Variants in CAMK2D observed in about 807,000 individuals in gnomAD.
The protein encoded by CAMK2D is calcium/calmodulin-dependent protein kinase type II subunit delta.
Under a neutral mutation model 84.0 loss-of-function variants are expected in CAMK2D, and 37 were observed. The observed-to-expected ratio is 0.44, with a 90% CI of 0.34 to 0.58. CAMK2D has a LOEUF of 0.58. CAMK2D is among the 20% of genes least tolerant of loss of function. The probability of loss-of-function intolerance (pLI) is 0.02; values close to 1 mark genes in which losing one functional copy is unlikely to be tolerated. For missense variants in CAMK2D, 448 were observed against 652.5 expected (o/e 0.69, Z 3.41); for synonymous variants, 202 against 212.5 (o/e 0.95, Z 0.43).
At chr4:113,605,372 T>C (rs1167507892) in intron 4 of CAMK2D, among the ~76,000 whole-genome samples, 2 of 152,222 alleles carry the variant, frequency 1.3e-5, no homozygotes. Context: ...TAAATATTAA[T>C]ACAAATTATA....
At position 113,453,970 on chromosome 4, in the gene CAMK2D, G is replaced by C. The variant is rs1042232201; in HGVS notation, c.*575C>G. On this transcript the variant is annotated 3_prime_UTR_variant, in exon 21 of 21. Transcript: ENST00000511664. The stretch of plus-strand genomic sequence containing the variant: ...GATTCTTGCTTCTACTTTCATAAGT[G>C]ATTTTGCCCACATATCATCCCACTT... The C allele has an allele frequency of 6.6e-5, 10 of 151,900 alleles. No homozygotes were observed. The highest frequency in any genetic ancestry group is 2.4e-4 in the African/African-American group (10 of 41,188). The allele number at this position is 151,900 out of a possible 1,614,324, so 9.4% of individuals were successfully genotyped here. A position where few individuals can be genotyped will look rare whatever the true frequency, so the allele number is the denominator to read the frequency against.
chr4:113,533,073 A>C (rs937036912), intron 7 of CAMK2D, among the ~76,000 whole-genome samples: 7 of 152,126 alleles, frequency 4.6e-5, no homozygotes, highest in African/African-American at 1.7e-4. Flanking sequence ...GAAGTACGAA[A>C]TGTTAACAAT....
chr4:113,664,410 G>T (rs2099249567), intron 2 of CAMK2D, among the ~76,000 whole-genome samples: 1 of 152,162 alleles, frequency 6.6e-6, no homozygotes, highest in Non-Finnish European at 1.5e-5. Flanking sequence ...TGCAATCAAG[G>T]TGTCAGCCAC....
At chr4:113,605,457 A>G (rs2098972958) in intron 4 of CAMK2D, among the ~76,000 whole-genome samples, 1 of 152,216 alleles carries the variant, frequency 6.6e-6, no homozygotes, top group Non-Finnish European at 1.5e-5. Flanking sequence ...GACAGAAAAA[A>G]GTGTTTCCTC....
At chr4:113,489,994 T>C (rs2097811735) in intron 16 of CAMK2D, among the ~76,000 whole-genome samples, 1 of 151,936 alleles carries the variant, frequency 6.6e-6, no homozygotes, top group African/African-American at 2.4e-5. Context: ...GGGTTGTTTG[T>C]TTTTTTCTTG....
intron 4 of CAMK2D, among the ~76,000 whole-genome samples, chr4:113,576,528 C>T (rs750155683): frequency 2.1e-4 from 32 of 151,144 alleles, no homozygotes; most frequent in Non-Finnish European, 3.5e-4. Flanking sequence ...TGCATGTGCC[C>T]ACACACAAGT....
chr4:113,718,597 C>T (rs554713372), intron 2 of CAMK2D, among the ~76,000 whole-genome samples: 317 of 152,278 alleles, frequency 2.1e-3, no homozygotes, highest in Middle Eastern at 3.4e-3. Flanking sequence ...GTGGCTAGTT[C>T]GTTTGTTAGT....
intron 4 of CAMK2D, among the ~76,000 whole-genome samples, chr4:113,560,425 G>T (rs536431348): frequency 6.6e-5 from 10 of 152,196 alleles, no homozygotes; most frequent in African/African-American, 2.4e-4. Flanking sequence ...GTCTCGTGGA[G>T]AAAATAGAAA....
At chr4:113,718,503 A>G (rs2099520408) in intron 2 of CAMK2D, among the ~76,000 whole-genome samples, 1 of 152,200 alleles carries the variant, frequency 6.6e-6, no homozygotes, top group South Asian at 2.1e-4. Context: ...TACAATAGTG[A>G]TGTTATCACC....
chr4:113,738,773 G>A (rs1305236101), intron 2 of CAMK2D, among the ~76,000 whole-genome samples: 1 of 151,918 alleles, frequency 6.6e-6, no homozygotes, highest in Non-Finnish European at 1.5e-5. Flanking sequence ...AAATTTTGGG[G>A]GAAGAGTCAA....
intron 4 of CAMK2D, among the ~76,000 whole-genome samples, chr4:113,552,602 T>C (rs6857643): frequency 0.01 from 1,595 of 152,226 alleles, 28 homozygotes; most frequent in African/African-American, 0.036. Context: ...TGTAAATAAT[T>C]AAGTTAATTG....
At chr4:113,553,917 T>C (rs570878107) in intron 4 of CAMK2D, among the ~76,000 whole-genome samples, 1 of 152,288 alleles carries the variant, frequency 6.6e-6, no homozygotes, top group East Asian at 1.9e-4. Context: ...TTTTGTGAGA[T>C]TTCTTCCTTT....
At chr4:113,754,425 G>A (rs911992409) in intron 2 of CAMK2D, 34 of 951,076 alleles carry the variant, frequency 3.6e-5, no homozygotes, top group Admixed American at 1.2e-4. Context: ...CTAGTAATTC[G>A]TGATTATTAC....
intron 2 of CAMK2D, among the ~76,000 whole-genome samples, chr4:113,711,152 T>TTA (rs1384151341): frequency 1.3e-5 from 2 of 148,830 alleles, no homozygotes; most frequent in East Asian, 3.9e-4. Flanking sequence ...AAAAATATAA[T>TTA]TATATATTAG....
chr4:113,713,889 G>T (rs1435382962), intron 2 of CAMK2D, among the ~76,000 whole-genome samples: 3 of 150,414 alleles, frequency 2.0e-5, no homozygotes, highest in African/African-American at 2.4e-5. Flanking sequence ...CTTTTTTTTT[G>T]GGGGGGTGCA....
chr4:113,505,948 T>C (rs1432435816), intron 13 of CAMK2D, among the ~76,000 whole-genome samples: 1 of 152,170 alleles, frequency 6.6e-6, no homozygotes, highest in African/African-American at 2.4e-5. Flanking sequence ...ATCAACATTC[T>C]TTTAAACTCA....
rs76738327 is a variant in CAMK2D at position 113,556,580 on chromosome 4, C to T, written c.276-4484G>A. On this transcript the variant is annotated intron_variant, in intron 4 of 20. Coordinates refer to ENST00000511664, the MANE Select transcript of CAMK2D (RefSeq NM_001321571.2). ...TTCTATATTACGAGTGTGCAGATGTCCTGTATAAGGCAAGACTGTCAGCAC... is the reference window on the plus strand; with the variant it reads ...TTCTATATTACGAGTGTGCAGATGTTCTGTATAAGGCAAGACTGTCAGCAC... 4.1e-3 allele frequency among the ~76,000 whole-genome samples: 619 copies of T among 152,086 alleles called. 7 individuals are homozygous for T. Among genetic ancestry groups the T allele is most frequent in the African/African-American group, 0.014 (593 of 41,472 alleles).
chr4:113,500,213 C>A (rs911064091), intron 16 of CAMK2D, among the ~76,000 whole-genome samples: 1 of 151,914 alleles, frequency 6.6e-6, no homozygotes, highest in African/African-American at 2.4e-5. Flanking sequence ...GTCATTACTG[C>A]AATGTGCTAG....
At chr4:113,543,512 C>A (rs2098545466) in intron 6 of CAMK2D, among the ~76,000 whole-genome samples, 1 of 151,902 alleles carries the variant, frequency 6.6e-6, no homozygotes, top group South Asian at 2.1e-4. Flanking sequence ...TAAGCCACTG[C>A]ACCGGGCCTA....
Sources: allele counts gnomAD v4.1 joint callset (sites outside exome capture counted in the v4.1 genomes callset), GRCh38; gene constraint gnomAD v4.1.1; transcripts MANE v1.5; gene names NCBI Gene and HGNC (gene_info 2026-07-23, HGNC 2026-07-21).